ACOX1: variants seen among roughly 807,000 people sequenced by gnomAD.
The protein encoded by ACOX1 is peroxisomal acyl-coenzyme A oxidase 1.
In ACOX1, 41 loss-of-function variants were observed where a neutral mutation model predicts 75.5. The observed-to-expected ratio is 0.54, with a 90% confidence interval of 0.42 to 0.70. The LOEUF (loss-of-function observed/expected upper bound fraction) is 0.70. Among genes scored for constraint, ACOX1 ranks in the 30% least tolerant of loss-of-function variants. The pLI, the probability that ACOX1 is intolerant of heterozygous loss-of-function variation, is 0.00. For synonymous variants in ACOX1, 303 were observed against 298.8 expected (o/e 1.01, Z -0.15); for missense variants, 630 against 837.5 (o/e 0.75, Z 3.06).
At chr17:75,974,717 G>C (rs1288462399) in intron 2 of ACOX1, among the ~76,000 whole-genome samples, 1 of 152,102 alleles carries the variant, frequency 6.6e-6, no homozygotes, top group Non-Finnish European at 1.5e-5. Context: ...GGGGGACCCT[G>C]AAACCAAACT....
chr17:75,976,969 G>C (rs1304512581), intron 2 of ACOX1, among the ~76,000 whole-genome samples: 1 of 121,078 alleles, frequency 8.3e-6, no homozygotes, highest in Non-Finnish European at 1.8e-5. Context: ...AATAGTGTTT[G>C]TTTAGGTTAA....
Position 75,978,106 on chromosome 17 carries a change from A to T in ACOX1, c.269+428T>A, listed in dbSNP as rs1169871543. Among the ~76,000 whole-genome samples the T allele has an allele frequency of 2.1e-5, 3 of 144,092 alleles. No individual in the cohort carries two copies. The highest frequency in any genetic ancestry group is 5.5e-5 in the African/African-American group (2 of 36,604). The allele number at this position is 144,092 out of a possible 152,430, so 94.5% of individuals were successfully genotyped here. A position where few individuals can be genotyped will look rare whatever the true frequency, so the allele number is the denominator to read the frequency against. On this transcript the variant is annotated intron_variant, in intron 2 of 13. Transcript: ENST00000293217. This position sits in a 1 kb window ranked among gnomAD's most constrained non-coding sequence, Gnocchi z 4.2. The stretch of plus-strand genomic sequence containing the variant: ...ACTTTATTTATTTATTTATTTATTT[A>T]TTTTTTGAGATGGAGTCTCGCACTC...
intron 2 of ACOX1, among the ~76,000 whole-genome samples, chr17:75,961,424 A>G (rs2065886816): frequency 6.9e-6 from 1 of 144,500 alleles, no homozygotes. Flanking sequence ...GTTTGAGACC[A>G]GCCTGGCCAA....
chr17:75,979,113 G>C lies in ACOX1; in HGVS notation c.-40C>G. ...GGCAGCGAAGTAAGCACCGACCGAG[G>C]TGGCAGTGACAATCTAAATCCGCAG... On this transcript the variant is annotated 5_prime_UTR_variant, in exon 1 of 14. Coordinates refer to ENST00000293217, the MANE Select transcript of ACOX1 (RefSeq NM_004035.7). 6.2e-7 allele frequency: 1 copy of C among 1,606,022 alleles called. No homozygotes were observed. Among genetic ancestry groups the C allele is most frequent in the Non-Finnish European group, 8.5e-7 (1 of 1,179,766 alleles).
At chr17:75,956,372 C>G (rs551404389) in intron 4 of ACOX1, among the ~76,000 whole-genome samples, 19 of 152,022 alleles carry the variant, frequency 1.2e-4, no homozygotes, top group South Asian at 4.1e-4. Flanking sequence ...AAGATAATAA[C>G]TCAGAATGGA....
At chr17:75,951,128 G>C (rs1044897453) in intron 8 of ACOX1, among the ~76,000 whole-genome samples, 164 bp from the exon 9 acceptor site, 1 of 152,100 alleles carries the variant, frequency 6.6e-6, no homozygotes, top group African/African-American at 2.4e-5. Flanking sequence ...GAAGAATACA[G>C]AACACTACCC....
In ACOX1 at chr17:75,978,926, T is replaced by C. The variant is rs2066087400; in HGVS notation, c.109+39A>G. 2 of 1,606,118 alleles carry C rather than the reference T, an allele frequency of 1.2e-6. No homozygotes were observed. On this transcript the variant is annotated intron_variant, in intron 1 of 13. Coordinates refer to ENST00000293217, the MANE Select transcript of ACOX1 (RefSeq NM_004035.7). The surrounding 1 kb of genome is among the most constrained non-coding windows in gnomAD (Gnocchi z 4.2). The stretch of plus-strand genomic sequence containing the variant: ...TCCGCATCGAGGGAGTCTCCAGCTT[T>C]TCTCGGGAAAGGAGGGAGGTCTCGC...
rs374289686 is a variant in ACOX1 at position 75,949,812 on chromosome 17, G to C, written c.1384C>G (p.Arg462Gly). The C allele has an allele frequency of 6.2e-7, 1 of 1,614,020 alleles. No homozygotes were observed. The highest frequency in any genetic ancestry group is 8.5e-7 in the Non-Finnish European group (1 of 1,180,026). The change falls in exon 10 of 14, where the codon CGC becomes GGC. Residue 462 changes from arginine (R) to glycine (G), a missense_variant. By Grantham distance (125) the Arg-to-Gly change is moderately radical. Around this residue, in one of 2 missense-constraint regions of ACOX1, gnomAD observed 240 missense variants for 262.7 expected, o/e 0.91. Coordinates refer to ENST00000293217, the MANE Select transcript of ACOX1 (RefSeq NM_004035.7). The stretch of plus-strand genomic sequence containing the variant: ...ACTGCTACCTGCTGTGGCTGGATGC[G>C]CTGACTGGGCAGGTCGTTCAAATAG... ...VSYLNDLPSQ[R>G]IQPQQVAVWP...
chr17:75,978,126 G>A lies in ACOX1; in HGVS notation c.269+408C>T, dbSNP rs2066073179. ...TATTTATTTTTTGAGATGGAGTCTC[G>A]CACTCTTGCCCAGGCTGGAGTGCAG... is the stretch of plus-strand genomic sequence containing the variant. On this transcript the variant is annotated intron_variant, in intron 2 of 13. Transcript: ENST00000293217. This position sits in a 1 kb window ranked among gnomAD's most constrained non-coding sequence, Gnocchi z 4.2. Among the ~76,000 whole-genome samples, 1 of 148,522 alleles carries A rather than the reference G, an allele frequency of 6.7e-6. No homozygotes were observed. Among genetic ancestry groups the A allele is most frequent in the African/African-American group, 2.5e-5 (1 of 40,554 alleles).
chr17:75,975,844 A>C (rs1268941340), intron 2 of ACOX1, among the ~76,000 whole-genome samples: 1 of 151,620 alleles, frequency 6.6e-6, no homozygotes, highest in Non-Finnish European at 1.5e-5. Context: ...ATGGAAATAA[A>C]TGGAAATGCA....
At chr17:75,953,220 G>T in intron 7 of ACOX1, 1 of 443,932 alleles carries the variant, frequency 2.3e-6, no homozygotes, top group Non-Finnish European at 4.2e-6. Context: ...TAATAAGGTG[G>T]GTATTCTCTT....
In ACOX1 at chr17:75,948,269, G is replaced by C; in HGVS notation, c.1917C>G (p.Ser639=). The C allele has an allele frequency of 6.2e-7, 1 of 1,614,074 alleles. No homozygotes were observed. Among genetic ancestry groups the C allele is most frequent in the Non-Finnish European group, 8.5e-7 (1 of 1,180,004 alleles). ...TTTTTACCTCTGCTTTGTTCAGTGG[G>C]GAGTTCTTAGCCCACTCAAACAAGT... ...YENLFEWAKN[S]PLNKAEVHES... Residue 639 remains serine (S), a synonymous_variant, in exon 13 of 14, where the codon TCC becomes TCG. Transcript: ENST00000293217.
intron 12 of ACOX1, 101 bp from the exon 13 acceptor site, chr17:75,948,558 C>CT (rs1040565790): frequency 0.093 from 72,416 of 780,474 alleles, 2 homozygotes; most frequent in East Asian, 0.12. Context: ...TTATTTTTTT[C>CT]TTTTTTTTTT....
At chr17:75,958,482 A>C (rs113131652) in intron 3 of ACOX1, among the ~76,000 whole-genome samples, 5,983 of 145,844 alleles carry the variant, frequency 0.041, 192 homozygotes, top group Middle Eastern at 0.12. Context: ...TCCTGGCTAA[A>C]GTGGTGAAAC....
chr17:75,977,770 C>T (rs185422971), intron 2 of ACOX1, among the ~76,000 whole-genome samples: 84 of 152,234 alleles, frequency 5.5e-4, no homozygotes, highest in Non-Finnish European at 9.1e-4. Flanking sequence ...CATTCTTCAT[C>T]CAGGTCCACA....
intron 2 of ACOX1, among the ~76,000 whole-genome samples, chr17:75,967,619 CATATATAT>C (rs147825726): frequency 7.6e-6 from 1 of 131,288 alleles, no homozygotes; most frequent in African/African-American, 3.3e-5. Flanking sequence ...TATATACATA[CATATATAT>C]ATACATACAT....
chr17:75,942,007 C>T lies in ACOX1; in HGVS notation c.*4741G>A, dbSNP rs2065674803. ...CACTTAAATTTAAGGCAAAAACACC[C>T]TTGAATCTAGGAATGTGCACATATG... On this transcript the variant is annotated 3_prime_UTR_variant, in exon 14 of 14. Coordinates refer to ENST00000293217, the MANE Select transcript of ACOX1 (RefSeq NM_004035.7). 1 of 152,272 alleles carries T rather than the reference C, an allele frequency of 6.6e-6. No individual in the cohort carries two copies. Among genetic ancestry groups the T allele is most frequent in the South Asian group, 2.1e-4 (1 of 4,828 alleles). The allele number at this position is 152,272 out of a possible 1,614,324, so 9.4% of individuals were successfully genotyped here.
chr17:75,951,629 CT>C, intron 7 of ACOX1, 52 bp from the exon 8 acceptor site: 1 of 1,582,650 alleles, frequency 6.3e-7, no homozygotes. Flanking sequence ...TTATACAGAA[CT>C]TTCTATATGC....
intron 6 of ACOX1, among the ~76,000 whole-genome samples, chr17:75,954,613 CT>C (rs1268564311): frequency 4.2e-5 from 6 of 141,680 alleles, no homozygotes; most frequent in Non-Finnish European, 9.1e-5. Flanking sequence ...GCTGTATTGC[CT>C]AGGCTGGAGT....
Sources: allele counts gnomAD v4.1 joint callset (sites outside exome capture counted in the v4.1 genomes callset), GRCh38; gene constraint gnomAD v4.1.1; regional missense constraint gnomAD v4.1.1; non-coding constraint Gnocchi (gnomAD v3.1); transcripts MANE v1.5; gene names NCBI Gene and HGNC (gene_info 2026-07-23, HGNC 2026-07-21).